The following DRICH1 variants were observed in gnomAD, a reference collection of about 807,000 sequenced individuals.
DRICH1 encodes the protein aspartate-rich protein 1.
DRICH1 carries 38 observed loss-of-function variants against 39.5 expected under a neutral mutation model. That is an observed-to-expected ratio of 0.96 (90% CI 0.74 to 1.26). The LOEUF (loss-of-function observed/expected upper bound fraction) is 1.26. Among genes scored for constraint, DRICH1 ranks in the 50% most tolerant of loss-of-function variants. The pLI, the probability that DRICH1 is intolerant of heterozygous loss-of-function variation, is 0.00. For synonymous variants in DRICH1, 84 were observed against 99.5 expected (o/e 0.84, Z 0.93); for missense variants, 279 against 270.4 (o/e 1.03, Z -0.22).
At chr22:23,609,575 G>GTACC (rs1926922372) in intron 11 of DRICH1, among the ~76,000 whole-genome samples, 1 of 152,082 alleles carries the variant, frequency 6.6e-6, no homozygotes, top group South Asian at 2.1e-4. Flanking sequence ...ACCTGTTTGT[G>GTACC]CAGGTGTCAG....
intron 7 of DRICH1, among the ~76,000 whole-genome samples, chr22:23,617,207 G>T (rs1230931522): frequency 2.0e-5 from 3 of 152,184 alleles, no homozygotes; most frequent in Non-Finnish European, 2.9e-5. Flanking sequence ...TAGATGAAAA[G>T]AAACTCCCAC....
the DRICH1 span, among the ~76,000 whole-genome samples, chr22:23,595,407 T>C: frequency 7.3e-6 from 1 of 137,182 alleles, no homozygotes; most frequent in African/African-American, 2.6e-5. Flanking sequence ...TTTTATTTCC[T>C]CCATTTAGCC....
chr22:23,590,449 T>C, the DRICH1 span, among the ~76,000 whole-genome samples: 1 of 151,354 alleles, frequency 6.6e-6, no homozygotes, highest in Admixed American at 6.6e-5. Flanking sequence ...AGCTAATTTT[T>C]GTACTTTTAG....
chr22:23,626,346 TA>T, intron 1 of DRICH1, among the ~76,000 whole-genome samples: 1 of 152,194 alleles, frequency 6.6e-6, no homozygotes, highest in Admixed American at 6.5e-5. Context: ...CTGGGAAAGG[TA>T]ATCATTAAAT....
intron 8 of DRICH1, among the ~76,000 whole-genome samples, chr22:23,615,618 C>G (rs1927310660): frequency 1.3e-5 from 2 of 152,210 alleles, no homozygotes; most frequent in South Asian, 4.1e-4. Flanking sequence ...GAACTGCTAT[C>G]AAACTGGCAA....
intron 4 of DRICH1, among the ~76,000 whole-genome samples, chr22:23,621,719 G>A (rs1412282190): frequency 6.6e-6 from 1 of 152,118 alleles, no homozygotes; most frequent in Non-Finnish European, 1.5e-5. Context: ...TTCGAGACCA[G>A]CCTGGCCAAA....
At chr22:23,612,409 G>A (rs1254086631) in intron 11 of DRICH1, among the ~76,000 whole-genome samples, 3 of 145,678 alleles carry the variant, frequency 2.1e-5, no homozygotes, top group South Asian at 2.2e-4. Context: ...GGAGCTTGCA[G>A]TGAGCCGAGA....
chr22:23,609,388 C>A (rs1217523637), intron 11 of DRICH1, among the ~76,000 whole-genome samples: 4 of 152,242 alleles, frequency 2.6e-5, no homozygotes, highest in African/African-American at 9.6e-5. Flanking sequence ...AAAATAAGTG[C>A]CTTGTACATT....
At chr22:23,605,243 A>G (rs1377358120), downstream of DRICH1, among the ~76,000 whole-genome samples, 2 of 152,160 alleles carry the variant, frequency 1.3e-5, no homozygotes, top group Non-Finnish European at 2.9e-5. Flanking sequence ...ACCTCCCACC[A>G]CACACAGAGG....
At chr22:23,582,804 G>A in the DRICH1 span, among the ~76,000 whole-genome samples, 1 of 151,830 alleles carries the variant, frequency 6.6e-6, no homozygotes, top group East Asian at 2.0e-4. Flanking sequence ...CAGGCGATCA[G>A]CCCACCTCAG....
At chr22:23,619,476 C>T in intron 5 of DRICH1, 83 bp from the exon 6 acceptor site, 1 of 758,142 alleles carries the variant, frequency 1.3e-6, no homozygotes, top group Non-Finnish European at 2.5e-6. Flanking sequence ...TGAAAAAGAA[C>T]AGTGTTGGAG....
the DRICH1 span, among the ~76,000 whole-genome samples, chr22:23,582,083 G>A: frequency 2.0e-5 from 3 of 146,628 alleles, no homozygotes; most frequent in Non-Finnish European, 4.5e-5. Flanking sequence ...GGGTTCAAGC[G>A]ATTCTCCTGT....
chr22:23,603,279 C>T, the DRICH1 span, among the ~76,000 whole-genome samples: 6 of 151,844 alleles, frequency 4.0e-5, no homozygotes, highest in Admixed American at 1.3e-4. Flanking sequence ...CGAGAATGCC[C>T]GCTACTCCCC....
chr22:23,625,630 G>C lies in DRICH1; in HGVS notation c.276+351C>G, dbSNP rs553578820. Among the ~76,000 whole-genome samples, 62 of 152,240 alleles carry C rather than the reference G, an allele frequency of 4.1e-4. 1 individual carries two copies. The South Asian group carries it at 0.012, about 31-fold the overall frequency. On this transcript the variant is annotated intron_variant, in intron 2 of 11. Transcript: ENST00000317749. Reference sequence around the variant, plus strand: ...CAAATACTTGAAGAGACCCTGAGCTGACTAGGATGTCAATGCAGTGTGGGC... The same window carrying C: ...CAAATACTTGAAGAGACCCTGAGCTCACTAGGATGTCAATGCAGTGTGGGC...
At chr22:23,603,523 G>T (rs1161013422), downstream of DRICH1, among the ~76,000 whole-genome samples, 1 of 152,026 alleles carries the variant, frequency 6.6e-6, no homozygotes, top group Non-Finnish European at 1.5e-5. Flanking sequence ...ACTCCTCCTG[G>T]ATCTGAGGAT....
In DRICH1 at chr22:23,631,957, AGGGTGC is replaced by A; in HGVS notation, c.61_66del (p.Ala21_Pro22del). The A allele has an allele frequency of 6.2e-7, 1 of 1,613,784 alleles. No individual in the cohort carries two copies. Among genetic ancestry groups the A allele is most frequent in the South Asian group, 1.1e-5 (1 of 91,044 alleles). ...TAAATATCAGTATCAGATTCATAAC[AGGGTGC>A]GTCCTTCCCCCTGGGCCAGCCACAG... On this transcript the variant is annotated inframe_deletion, in exon 1 of 12. Transcript: ENST00000317749.
intron 6 of DRICH1, among the ~76,000 whole-genome samples, chr22:23,618,154 C>T (rs1275201277): frequency 6.7e-6 from 1 of 149,364 alleles, no homozygotes; most frequent in African/African-American, 2.5e-5. Flanking sequence ...CACTCTGTCC[C>T]CCAGGTTGGA....
rs1366119942 is a variant in DRICH1, at chr22:23,631,876, C to G, written c.148G>C (p.Asp50His). ...ESTTVEPGKL[D>H]VGATEGQDLQ... is the part of the protein sequence containing the mutation. The stretch of plus-strand genomic sequence containing the variant: ...TCTTGGCCCTCCGTGGCTCCCACAT[C>G]CAGCTTGCCAGGCTCTACAGTAGTG... Residue 50 changes from aspartate (D) to histidine (H), a missense_variant, in exon 1 of 12, where the codon GAT (aspartate) becomes CAT (histidine). By Grantham distance (81) the Asp-to-His change is moderately conservative. Coordinates refer to ENST00000317749, the MANE Select transcript of DRICH1 (RefSeq NM_016449.4). The G allele has an allele frequency of 6.2e-7, 1 of 1,612,908 alleles. No homozygotes were observed. Among genetic ancestry groups the G allele is most frequent in the African/African-American group, 1.3e-5 (1 of 74,886 alleles).
At chr22:23,601,161 C>T in the DRICH1 span, among the ~76,000 whole-genome samples, 1 of 151,988 alleles carries the variant, frequency 6.6e-6, no homozygotes, top group Non-Finnish European at 1.5e-5. Flanking sequence ...CACACACACA[C>T]ACACACACAC....
Sources: allele counts gnomAD v4.1 joint callset (sites outside exome capture counted in the v4.1 genomes callset), GRCh38; gene constraint gnomAD v4.1.1; transcripts MANE v1.5; gene names NCBI Gene and HGNC (gene_info 2026-07-23, HGNC 2026-07-21).